Variants in TXNDC11 observed in about 807,000 individuals in gnomAD.
The protein encoded by TXNDC11 is thioredoxin domain containing 11.
A neutral mutation model predicts 78.0 loss-of-function variants in TXNDC11; 68 were observed. The ratio of observed to expected loss-of-function variants is 0.87; its 90% CI spans 0.72 to 1.07. The LOEUF (loss-of-function observed/expected upper bound fraction) is 1.07, where lower values mean the gene tolerates loss of function less well. TXNDC11 is among the 50% of genes least tolerant of loss of function. TXNDC11 has a pLI of 0.00. For synonymous variants in TXNDC11, 571 were observed against 495.2 expected (o/e 1.15, Z -2.03); for missense variants, 1,389 against 1,221.8 (o/e 1.14, Z -2.04).
chr16:11,710,477 T>C (rs1279893306), intron 5 of TXNDC11, among the ~76,000 whole-genome samples: 1 of 152,226 alleles, frequency 6.6e-6, no homozygotes, highest in African/African-American at 2.4e-5. Flanking sequence ...GCTCCCTTAT[T>C]TAACAGATGG....
At chr16:11,738,858 T>A (rs1489193623) in intron 1 of TXNDC11, among the ~76,000 whole-genome samples, 1 of 151,124 alleles carries the variant, frequency 6.6e-6, no homozygotes, top group Non-Finnish European at 1.5e-5. Flanking sequence ...GGAAACCCCA[T>A]TTCTACTAAA....
At chr16:11,739,210 G>T (rs184995805) in intron 1 of TXNDC11, among the ~76,000 whole-genome samples, 41 of 152,282 alleles carry the variant, frequency 2.7e-4, no homozygotes, top group Admixed American at 5.9e-4. Flanking sequence ...CCAGGGAGAA[G>T]AAACGCTCGC....
At chr16:11,708,489 A>G (rs913311408) in intron 5 of TXNDC11, among the ~76,000 whole-genome samples, 7 of 152,216 alleles carry the variant, frequency 4.6e-5, no homozygotes, top group African/African-American at 1.7e-4. Flanking sequence ...GAAAGAACAG[A>G]GAGAAACTCC....
chr16:11,724,056 C>T (rs1411647029), intron 4 of TXNDC11, among the ~76,000 whole-genome samples: 2 of 152,124 alleles, frequency 1.3e-5, no homozygotes, highest in African/African-American at 4.8e-5. Flanking sequence ...GTAATCCCCT[C>T]AGATCACTTG....
At chr16:11,706,544 T>C (rs558727261) in intron 5 of TXNDC11, among the ~76,000 whole-genome samples, 11 of 152,366 alleles carry the variant, frequency 7.2e-5, no homozygotes, top group Non-Finnish European at 1.6e-4. Flanking sequence ...CTTTGACTCA[T>C]GAAATCTTGC....
chr16:11,742,578 C>T lies in TXNDC11; in HGVS notation c.153G>A (p.Gly51=), dbSNP rs548363593. 26 of 1,458,114 alleles carry T rather than the reference C, an allele frequency of 1.8e-5. No individual in the cohort carries two copies. In the South Asian group the frequency reaches 3.3e-4, roughly 19 times the overall value. 90.3% of individuals were successfully genotyped at this position (1,458,114 alleles called of 1,614,324 possible). A position where few individuals can be genotyped will look rare whatever the true frequency, so the allele number is the denominator to read the frequency against. Residue 51 remains glycine (G), a synonymous_variant, in exon 1 of 12, where the codon GGG becomes GGA. Transcript: ENST00000283033. ...GCGCCATGAGGAAGGCGCCACGCAG[C>T]CCGCGACGGAGCCGGCCCGCCGAGG... The part of the protein sequence containing the change: ...TASSAGRLRR[G]LRGAFLMARQ...
rs747533473 is a variant in TXNDC11 at position 11,684,212 on chromosome 16, T to G, written c.2187A>C (p.Glu729Asp). The G allele has an allele frequency of 2.9e-5, 46 of 1,613,748 alleles. No homozygotes were observed. Among genetic ancestry groups the G allele is most frequent in the Non-Finnish European group, 3.8e-5 (45 of 1,179,758 alleles). ...CAGTAGGAAGACGATCGACCATAAA[T>G]TCCCAAGGAAGGTCATTCTGAGACA... ...IDVSQNDLPW[E>D]FMVDRLPTVL... The change falls in exon 11 of 12, where the codon GAA becomes GAC. Residue 729 changes from glutamate to aspartate, a missense_variant. Glu to Asp is a conservative substitution (Grantham distance 45). Coordinates refer to ENST00000283033, the MANE Select transcript of TXNDC11 (RefSeq NM_015914.7).
At chr16:11,726,737 A>G (rs950165660) in intron 4 of TXNDC11, among the ~76,000 whole-genome samples, 3 of 152,178 alleles carry the variant, frequency 2.0e-5, no homozygotes, top group Non-Finnish European at 4.4e-5. Context: ...GCATACATGA[A>G]TAGAGTTCCA....
intron 5 of TXNDC11, among the ~76,000 whole-genome samples, chr16:11,702,092 G>GTGTGTATATATA (rs150869552): frequency 2.8e-5 from 4 of 144,336 alleles, no homozygotes; most frequent in African/African-American, 1.0e-4. Flanking sequence ...GTATGTATGT[G>GTGTGTATATATA]TATATATATA....
At chr16:11,709,838 G>C (rs1597453371) in intron 5 of TXNDC11, among the ~76,000 whole-genome samples, 1 of 152,178 alleles carries the variant, frequency 6.6e-6, no homozygotes, top group South Asian at 2.1e-4. Context: ...AATACGCATT[G>C]TTACATATAC....
At chr16:11,718,000 G>A (rs1398669799) in intron 5 of TXNDC11, among the ~76,000 whole-genome samples, 1 of 152,152 alleles carries the variant, frequency 6.6e-6, no homozygotes, top group Non-Finnish European at 1.5e-5. Context: ...GAGTGCTGAG[G>A]TGGTAAGTGA....
At chr16:11,685,724 T>C (rs2050551848) in intron 10 of TXNDC11, among the ~76,000 whole-genome samples, 1 of 152,006 alleles carries the variant, frequency 6.6e-6, no homozygotes, top group Admixed American at 6.6e-5. Flanking sequence ...ACCAAAAGTT[T>C]ACTAACAAAA....
At chr16:11,709,274 CAG>C (rs1047391959) in intron 5 of TXNDC11, among the ~76,000 whole-genome samples, 2 of 62,138 alleles carry the variant, frequency 3.2e-5, no homozygotes, top group East Asian at 3.4e-4. Context: ...TTTTTTGAGA[CAG>C]AGTCTCGCAC....
chr16:11,697,248 G>C (rs1304481112), intron 7 of TXNDC11, among the ~76,000 whole-genome samples: 2 of 152,160 alleles, frequency 1.3e-5, no homozygotes, highest in East Asian at 3.9e-4. Context: ...GATCCACCTG[G>C]GCGAGAAGTC....
intron 1 of TXNDC11, among the ~76,000 whole-genome samples, chr16:11,741,457 G>C (rs940142118): frequency 1.1e-4 from 17 of 152,088 alleles, no homozygotes; most frequent in African/African-American, 3.6e-4. Context: ...ATCAATTCCA[G>C]GGAAACACCA....
At chr16:11,696,799 G>C (rs1187770560) in intron 7 of TXNDC11, among the ~76,000 whole-genome samples, 1 of 152,148 alleles carries the variant, frequency 6.6e-6, no homozygotes, top group East Asian at 1.9e-4. Context: ...GCGAGAAAGA[G>C]TCTTCCCACC....
intron 6 of TXNDC11, 135 bp from the exon 7 acceptor site, chr16:11,698,460 G>T: frequency 1.4e-6 from 1 of 706,164 alleles, no homozygotes; most frequent in Non-Finnish European, 2.4e-6. Flanking sequence ...GCCCCACTGT[G>T]CAGCTAACAC....
intron 4 of TXNDC11, among the ~76,000 whole-genome samples, chr16:11,724,161 T>A (rs1162421591): frequency 6.6e-6 from 1 of 152,106 alleles, no homozygotes; most frequent in Non-Finnish European, 1.5e-5. Flanking sequence ...TGGGCACCTG[T>A]AGTTGCAGCT....
chr16:11,707,284 T>G (rs2051209846), intron 5 of TXNDC11, among the ~76,000 whole-genome samples: 1 of 150,594 alleles, frequency 6.6e-6, no homozygotes, highest in Non-Finnish European at 1.5e-5. Context: ...CCAGGCTTAG[T>G]GGCAGGCGCC....
Sources: gnomAD v4.1 joint callset for allele counts (sites outside exome capture counted in the v4.1 genomes callset) on GRCh38, gnomAD v4.1.1 for gene constraint, MANE v1.5 for transcripts, NCBI Gene and HGNC (gene_info 2026-07-23, HGNC 2026-07-21) for gene names.